The following SLC38A3 variants were observed in gnomAD, a reference collection of about 807,000 sequenced individuals.
SLC38A3 encodes solute carrier family 38 member 3.
SLC38A3 carries 17 observed loss-of-function variants against 59.5 expected under a neutral mutation model. The ratio of observed to expected loss-of-function variants is 0.29; its 90% CI spans 0.20 to 0.43. The LOEUF is 0.43. Ranked by LOEUF, SLC38A3 falls within the 20% of genes least tolerant of loss-of-function variation. SLC38A3 has a pLI of 1.00. For missense variants in SLC38A3, 454 were observed against 653.9 expected (o/e 0.69, Z 3.33); for synonymous variants, 238 against 260.3 (o/e 0.91, Z 0.82).
chr3:50,217,183 C>T lies in SLC38A3; in HGVS notation c.549-55C>T. 2.3e-6 allele frequency: 3 copies of T among 1,328,826 alleles called. No homozygotes were observed. The highest frequency in any genetic ancestry group is 3.2e-6 in the Non-Finnish European group (3 of 938,442). 82.3% of individuals were successfully genotyped at this position (1,328,826 alleles called of 1,614,324 possible). On this transcript the variant is annotated intron_variant, in intron 7 of 15. Coordinates refer to ENST00000614032, the MANE Select transcript of SLC38A3 (RefSeq NM_006841.6). This position sits in a 1 kb window ranked among gnomAD's most constrained non-coding sequence, Gnocchi z 4.9. ...TAACTCCAGCAGAGGGAGGCAGGGGCCCCATCCCAGGCTGAATGGATTCTG... is the reference window on the plus strand; with the variant it reads ...TAACTCCAGCAGAGGGAGGCAGGGGTCCCATCCCAGGCTGAATGGATTCTG...
In SLC38A3 at chr3:50,215,826, G is replaced by C. The variant is rs1249054614; in HGVS notation, c.548+5G>C. The stretch of plus-strand genomic sequence containing the variant: ...GAACCTGGAGGAGAAAACCTCGTGA[G>C]CCCTGGCGTGGGGAGGGGAGGGGAG... On this transcript the variant is annotated splice_donor_5th_base_variant and intron_variant, in intron 7 of 15. Coordinates refer to ENST00000614032, the MANE Select transcript of SLC38A3 (RefSeq NM_006841.6). The surrounding 1 kb of genome is among the most constrained non-coding windows in gnomAD (Gnocchi z 7.1). 1.3e-6 allele frequency: 2 copies of C among 1,556,370 alleles called. No homozygotes were observed. Among genetic ancestry groups the C allele is most frequent in the African/African-American group, 2.8e-5 (2 of 72,502 alleles).
intron 14 of SLC38A3, among the ~76,000 whole-genome samples, chr3:50,219,497 T>C (rs587729942): frequency 6.6e-6 from 1 of 152,184 alleles, no homozygotes. Flanking sequence ...GCACTCTTCG[T>C]TCTCTATGTC....
intron 1 of SLC38A3, among the ~76,000 whole-genome samples, chr3:50,211,586 T>C (rs1699729506): frequency 6.8e-6 from 1 of 147,936 alleles, no homozygotes; most frequent in Non-Finnish European, 1.5e-5. Flanking sequence ...TTTTTTTTTT[T>C]TTTTTTTTTC....
chr3:50,211,632 A>G (rs2109151766), intron 1 of SLC38A3, among the ~76,000 whole-genome samples: 1 of 121,406 alleles, frequency 8.2e-6, no homozygotes, highest in South Asian at 2.7e-4. Flanking sequence ...CTTGTTGCCC[A>G]GGCTGGAGTG....
intron 1 of SLC38A3, among the ~76,000 whole-genome samples, chr3:50,208,323 C>T (rs954713830): frequency 5.4e-5 from 8 of 148,956 alleles, no homozygotes; most frequent in African/African-American, 2.0e-4. Context: ...AGTGCAGCGG[C>T]GTGATCTTGG....
rs1699845546 is a variant in SLC38A3 at position 50,218,079 on chromosome 3, G to A, written c.935+83G>A. On this transcript the variant is annotated intron_variant, in intron 11 of 15. Transcript: ENST00000614032. The surrounding 1 kb of genome is among the most constrained non-coding windows in gnomAD (Gnocchi z 5.8). ...TGGATGTGGTCCTGAATGTGGAGAG[G>A]GGAGTGACAGGAGCCAAGTCACTTT... 7.2e-7 allele frequency: 1 copy of A among 1,393,624 alleles called. No individual in the cohort carries two copies. The highest frequency in any genetic ancestry group is 1.0e-6 in the Non-Finnish European group (1 of 990,982). 86.3% of individuals were successfully genotyped at this position (1,393,624 alleles called of 1,614,324 possible). A position where few individuals can be genotyped will look rare whatever the true frequency, so the allele number is the denominator to read the frequency against.
Position 50,218,529 on chromosome 3 carries a change from A to G in SLC38A3, c.1037-64A>G, listed in dbSNP as rs1699855631. 1 of 1,594,594 alleles carries G rather than the reference A, an allele frequency of 6.3e-7. No individual in the cohort carries two copies. Among genetic ancestry groups the G allele is most frequent in the African/African-American group, 1.3e-5 (1 of 74,784 alleles). ...AATCCCCACAGTGTTGGGGTCCCCTAGGCAGCTCAGATCCCACCTCCTTCC... is the reference window on the plus strand; with the variant it reads ...AATCCCCACAGTGTTGGGGTCCCCTGGGCAGCTCAGATCCCACCTCCTTCC... On this transcript the variant is annotated intron_variant, in intron 12 of 15. Transcript: ENST00000614032. This position sits in a 1 kb window ranked among gnomAD's most constrained non-coding sequence, Gnocchi z 5.8.
chr3:50,206,081 A>G (rs932251379), intron 1 of SLC38A3, among the ~76,000 whole-genome samples: 3 of 152,252 alleles, frequency 2.0e-5, no homozygotes, highest in Non-Finnish European at 2.9e-5. Flanking sequence ...GGCGGAGAGA[A>G]GGAACCAAGA....
At chr3:50,220,011 C>T (rs587722446) in intron 15 of SLC38A3, 27 bp downstream of exon 15, 2 of 1,604,714 alleles carry the variant, frequency 1.2e-6, no homozygotes, top group South Asian at 2.2e-5. Flanking sequence ...GGCCGGTGGG[C>T]TGGTATGGGG....
chr3:50,215,019 G>C lies in SLC38A3; in HGVS notation c.299+251G>C. ...AGACTGTCCTTTTGGCACCTTACAC[G>C]TGATGGCCAAGCCCCACGGCCAGGC... On this transcript the variant is annotated intron_variant, in intron 4 of 15. Transcript: ENST00000614032. The surrounding 1 kb of genome is among the most constrained non-coding windows in gnomAD (Gnocchi z 7.1). 1.7e-6 allele frequency: 1 copy of C among 579,168 alleles called. No homozygotes were observed. The highest frequency in any genetic ancestry group is 3.1e-6 in the Non-Finnish European group (1 of 326,392). 35.9% of individuals were successfully genotyped at this position (579,168 alleles called of 1,614,324 possible). A position where few individuals can be genotyped will look rare whatever the true frequency, so the allele number is the denominator to read the frequency against.
chr3:50,215,608 C>G lies in SLC38A3; in HGVS notation c.438C>G (p.Ala146=). ...AFGTPGKLAA[A]LAITLQNIGA... is the part of the protein sequence containing the mutation. Reference sequence around the variant, plus strand: ...GGACCCCAGGAAAGCTGGCAGCAGCCCTGGCCATCACGCTCCAGAACATCG... The same window carrying G: ...GGACCCCAGGAAAGCTGGCAGCAGCGCTGGCCATCACGCTCCAGAACATCG... The change falls in exon 6 of 16, where the codon GCC becomes GCG. Residue 146 remains alanine, a synonymous_variant. Coordinates refer to ENST00000614032, the MANE Select transcript of SLC38A3 (RefSeq NM_006841.6). The surrounding 1 kb of genome is among the most constrained non-coding windows in gnomAD (Gnocchi z 7.1). 1 of 1,613,732 alleles carries G rather than the reference C, an allele frequency of 6.2e-7. No homozygotes were observed. Among genetic ancestry groups the G allele is most frequent in the South Asian group, 1.1e-5 (1 of 91,082 alleles).
rs765214693 is a variant in SLC38A3, at chr3:50,217,995, G to A, written c.934G>A (p.Asp312Asn). Residue 312 changes from aspartate to asparagine, a missense_variant and splice_region_variant, in exon 11 of 16, where the codon GAC (aspartate) becomes AAC (asparagine). Around this residue, in one of 3 missense-constraint regions of SLC38A3, gnomAD observed 390 missense variants for 557.9 expected, o/e 0.70. Transcript: ENST00000614032. This position sits in a 1 kb window ranked among gnomAD's most constrained non-coding sequence, Gnocchi z 4.9. ...EVLPIYTELK[D>N]PSKKKMQHIS... ...GCTGCCCATCTATACTGAGCTCAAGGAGTAGGTGTCTGTGGCTGGGAGTGG... is the reference window on the plus strand; with the variant it reads ...GCTGCCCATCTATACTGAGCTCAAGAAGTAGGTGTCTGTGGCTGGGAGTGG... 8.1e-6 allele frequency: 13 copies of A among 1,613,840 alleles called. No individual in the cohort carries two copies. In the Admixed American group the frequency reaches 1.0e-4, roughly 12 times the overall value.
Position 50,218,476 on chromosome 3 carries a change from T to A in SLC38A3, c.1036+106T>A. Reference sequence around the variant, plus strand: ...AGGCGTGTGGTGCCTGGCTGTGCCTTGCCGCTGTGGAGGTGAGTCTGCATG... The same window carrying A: ...AGGCGTGTGGTGCCTGGCTGTGCCTAGCCGCTGTGGAGGTGAGTCTGCATG... On this transcript the variant is annotated intron_variant, in intron 12 of 15. Transcript: ENST00000614032. This position sits in a 1 kb window ranked among gnomAD's most constrained non-coding sequence, Gnocchi z 5.8. 1.9e-6 allele frequency: 3 copies of A among 1,561,526 alleles called. No homozygotes were observed. The highest frequency in any genetic ancestry group is 2.6e-6 in the Non-Finnish European group (3 of 1,137,510).
chr3:50,218,268 A>G lies in SLC38A3; in HGVS notation c.936-2A>G. On this transcript the variant is annotated splice_acceptor_variant, in intron 11 of 15. Transcript: ENST00000614032. LOFTEE classifies it high-confidence loss of function. This position sits in a 1 kb window ranked among gnomAD's most constrained non-coding sequence, Gnocchi z 5.8. ...AACACCCACCCCCCCACTTCCCCAC[A>G]GCCCCTCCAAGAAGAAGATGCAGCA... The G allele has an allele frequency of 6.9e-7, 1 of 1,441,996 alleles. No individual in the cohort carries two copies. The highest frequency in any genetic ancestry group is 9.8e-7 in the Non-Finnish European group (1 of 1,024,196). The allele number at this position is 1,441,996 out of a possible 1,614,324, so 89.3% of individuals were successfully genotyped here.
rs1351859630 is a variant in SLC38A3 at position 50,220,277 on chromosome 3, G to A, written c.*100G>A. ...TGGCCAGTCGGGGGAGGAGAAAGACGCGATTAACACTGTGGCATTCAGCCA... is the reference window on the plus strand; with the variant it reads ...TGGCCAGTCGGGGGAGGAGAAAGACACGATTAACACTGTGGCATTCAGCCA... On this transcript the variant is annotated 3_prime_UTR_variant, in exon 16 of 16. Transcript: ENST00000614032. 33 of 892,592 alleles carry A rather than the reference G, an allele frequency of 3.7e-5. 1 individual carries two copies. Among genetic ancestry groups the A allele is most frequent in the South Asian group, 2.7e-4 (19 of 69,154 alleles). 55.3% of individuals were successfully genotyped at this position (892,592 alleles called of 1,614,324 possible).
At chr3:50,206,438 C>T (rs966149423) in intron 1 of SLC38A3, among the ~76,000 whole-genome samples, 4 of 152,256 alleles carry the variant, frequency 2.6e-5, no homozygotes, top group African/African-American at 4.8e-5. Context: ...CCTTCCTGTT[C>T]TGTTCTGTAA....
At chr3:50,219,083 G>A in intron 14 of SLC38A3, 135 bp downstream of exon 14, 1 of 1,137,930 alleles carries the variant, frequency 8.8e-7, no homozygotes, top group South Asian at 1.5e-5. Context: ...TTCCATCTGA[G>A]CTTTTGTCCA....
rs1699795755 is a variant in SLC38A3, at chr3:50,214,996, A to T, written c.299+228A>T. On this transcript the variant is annotated intron_variant, in intron 4 of 15. Coordinates refer to ENST00000614032, the MANE Select transcript of SLC38A3 (RefSeq NM_006841.6). This position sits in a 1 kb window ranked among gnomAD's most constrained non-coding sequence, Gnocchi z 6.0. ...CACAGGCCGGTCTTACAGGCCAGAG[A>T]CTGTCCTTTTGGCACCTTACACGTG... The T allele has an allele frequency of 3.4e-6, 2 of 589,678 alleles. No homozygotes were observed. Among genetic ancestry groups the T allele is most frequent in the South Asian group, 2.0e-5 (1 of 49,082 alleles). 36.5% of individuals were successfully genotyped at this position (589,678 alleles called of 1,614,324 possible). A position where few individuals can be genotyped will look rare whatever the true frequency, so the allele number is the denominator to read the frequency against.
Position 50,215,513 on chromosome 3 carries a change from AG to A in SLC38A3, c.374-30del. On this transcript the variant is annotated intron_variant, in intron 5 of 15. Coordinates refer to ENST00000614032, the MANE Select transcript of SLC38A3 (RefSeq NM_006841.6). This position sits in a 1 kb window ranked among gnomAD's most constrained non-coding sequence, Gnocchi z 7.1. ...GGGAGCTGGTGGGTAAACTGGGACAAGCTCCTGACTTCTTGACCCTGCTCCT... is the reference window on the plus strand; with the variant it reads ...GGGAGCTGGTGGGTAAACTGGGACAACTCCTGACTTCTTGACCCTGCTCCT... 1 of 1,613,788 alleles carries A rather than the reference AG, an allele frequency of 6.2e-7. No homozygotes were observed. Among genetic ancestry groups the A allele is most frequent in the Non-Finnish European group, 8.5e-7 (1 of 1,179,738 alleles).
Sources: allele counts gnomAD v4.1 joint callset (sites outside exome capture counted in the v4.1 genomes callset), GRCh38; gene constraint gnomAD v4.1.1; regional missense constraint gnomAD v4.1.1; non-coding constraint Gnocchi (gnomAD v3.1); transcripts MANE v1.5; gene names NCBI Gene and HGNC (gene_info 2026-07-23, HGNC 2026-07-21).